The following LIPK variants were observed in gnomAD, a reference collection of about 807,000 sequenced individuals.
LIPK encodes lipase member K.
A neutral mutation model predicts 48.6 loss-of-function variants in LIPK; 32 were observed. The ratio of observed to expected loss-of-function variants is 0.66; its 90% CI spans 0.50 to 0.88. The LOEUF is 0.88. Among genes scored for constraint, LIPK ranks in the 40% least tolerant of loss-of-function variants. The pLI is 0.00. For synonymous variants in LIPK, 164 were observed against 157.4 expected, an observed-to-expected ratio of 1.04 and a Z score of -0.32; for missense variants, 507 against 478.5, an observed-to-expected ratio of 1.06 and a Z score of -0.56.
At chr10:88,743,740 G>T (rs1180996539) in intron 9 of LIPK, among the ~76,000 whole-genome samples, 3 of 152,152 alleles carry the variant, frequency 2.0e-5, no homozygotes. Context: ...GTGGAGCCTG[G>T]GCTAGAGGGA....
In LIPK at chr10:88,724,703, C is replaced by T. The variant is rs148721570; in HGVS notation, c.105+55C>T. On this transcript the variant is annotated intron_variant, in intron 2 of 9. Transcript: ENST00000404190. Reference sequence around the variant, plus strand: ...AAATAAGGAATTATTCATATTTCAGCATTTTAGATACAACTGGTGTGCCTT... The same window carrying T: ...AAATAAGGAATTATTCATATTTCAGTATTTTAGATACAACTGGTGTGCCTT... The T allele has an allele frequency of 1.1e-3, 1,390 of 1,248,084 alleles. 2 individuals carry two copies. Among genetic ancestry groups the T allele is most frequent in the Middle Eastern group, 2.3e-3 (12 of 5,290 alleles). The allele number at this position is 1,248,084 out of a possible 1,614,324, so 77.3% of individuals were successfully genotyped here.
chr10:88,706,571 AGTG>A (rs1442137505), intron 1 of LIPK, among the ~76,000 whole-genome samples: 2 of 152,158 alleles, frequency 1.3e-5, no homozygotes, highest in Non-Finnish European at 2.9e-5. Flanking sequence ...TTTGAACCTC[AGTG>A]AGAGGAGGTA....
chr10:88,717,399 T>C (rs1842139477), intron 1 of LIPK, among the ~76,000 whole-genome samples: 1 of 152,142 alleles, frequency 6.6e-6, no homozygotes, highest in Non-Finnish European at 1.5e-5. Flanking sequence ...GTATTTTCTA[T>C]TTTTTTATGA....
At chr10:88,722,748 C>G (rs1842252786) in intron 1 of LIPK, among the ~76,000 whole-genome samples, 1 of 152,140 alleles carries the variant, frequency 6.6e-6, no homozygotes, top group African/African-American at 2.4e-5. Context: ...GTCAGGCAAC[C>G]TGAGTTCAGA....
intron 1 of LIPK, among the ~76,000 whole-genome samples, chr10:88,724,231 T>C (rs376261): frequency 0.78 from 118,201 of 152,138 alleles, 46,915 homozygotes; most frequent in East Asian, 1. Flanking sequence ...ATTTCTTTTC[T>C]ACACATTATC....
chr10:88,743,081 C>T lies in LIPK; in HGVS notation c.889-169C>T, dbSNP rs73352673. ...AAGATTGTACCAATTCTGTGAATTACGATAAGATTTATCATTTTTATTACT... is the reference window on the plus strand; with the variant it reads ...AAGATTGTACCAATTCTGTGAATTATGATAAGATTTATCATTTTTATTACT... On this transcript the variant is annotated intron_variant, in intron 8 of 9. Transcript: ENST00000404190. Among the ~76,000 whole-genome samples the T allele has an allele frequency of 6.8e-3, 1,034 of 152,206 alleles. 4 individuals are homozygous for T. The highest frequency in any genetic ancestry group is 0.024 in the Middle Eastern group (7 of 294).
chr10:88,720,198 C>A (rs1842196616), intron 1 of LIPK, among the ~76,000 whole-genome samples: 1 of 152,172 alleles, frequency 6.6e-6, no homozygotes, highest in South Asian at 2.1e-4. Flanking sequence ...TGTAGAGCAT[C>A]TGCCTGAAGA....
intron 3 of LIPK, 37 bp from the exon 4 acceptor site, chr10:88,730,946 G>C (rs773976997): frequency 6.7e-7 from 1 of 1,501,284 alleles, no homozygotes; most frequent in Non-Finnish European, 8.9e-7. Flanking sequence ...CACTGAGAAA[G>C]TTCAAATATG....
At position 88,731,096 on chromosome 10, in the gene LIPK, G is replaced by A. The variant is rs746906133; in HGVS notation, c.337G>A (p.Val113Met). The change falls in exon 4 of 10, where the codon GTG (valine) becomes ATG (methionine). Residue 113 changes from valine (V) to methionine (M), a missense_variant. By Grantham distance (21) the Val-to-Met change is conservative. Transcript: ENST00000404190. The stretch of plus-strand genomic sequence containing the variant: ...CCTTCTGGCAGATAGTGGTTATGAC[G>A]TGTGGTTGGGGAACAGCCGAGGAAA... ...AFLLADSGYD[V>M]WLGNSRGNTW... 4.4e-6 allele frequency: 7 copies of A among 1,607,190 alleles called. No homozygotes were observed. In the East Asian group the frequency reaches 6.7e-5, roughly 15 times the overall value.
In LIPK at chr10:88,720,716, C is replaced by CACAG. The variant is rs1031453648; in HGVS notation, c.-11-3814_-11-3813insGACA. Among the ~76,000 whole-genome samples, 3 of 8,876 alleles carry CACAG rather than the reference C, an allele frequency of 3.4e-4. No individual in the cohort carries two copies. The African/African-American group carries it at 0.014, about 41-fold the overall frequency. The allele number at this position is 8,876 out of a possible 152,430, so 5.8% of individuals were successfully genotyped here. ...TCTGAATATCCAAGCAAGTTTTATG[C>CACAG]ACACACACACACACACAGTCTATAA... On this transcript the variant is annotated intron_variant, in intron 1 of 9. Transcript: ENST00000404190.
intron 7 of LIPK, among the ~76,000 whole-genome samples, chr10:88,738,439 A>G (rs1274517888): frequency 6.6e-6 from 1 of 151,910 alleles, no homozygotes; most frequent in African/African-American, 2.4e-5. Context: ...CCCAGAGCCT[A>G]CTCTCCCAGT....
chr10:88,736,702 A>T (rs923544689), intron 6 of LIPK, among the ~76,000 whole-genome samples: 1 of 152,204 alleles, frequency 6.6e-6, no homozygotes, highest in Admixed American at 6.5e-5. Flanking sequence ...CAATTAAAAT[A>T]CGGTGTTAAG....
intron 1 of LIPK, among the ~76,000 whole-genome samples, chr10:88,711,146 A>T (rs1174784245): frequency 2.0e-5 from 3 of 151,704 alleles, no homozygotes; most frequent in Admixed American, 6.6e-5. Flanking sequence ...TTTAAATTTA[A>T]TTTTTTTGTT....
intron 9 of LIPK, among the ~76,000 whole-genome samples, chr10:88,743,915 G>A (rs577942992): frequency 6.6e-6 from 1 of 152,322 alleles, no homozygotes; most frequent in East Asian, 1.9e-4. Context: ...GAGCTAGTAG[G>A]CAGAGCTGTT....
intron 1 of LIPK, among the ~76,000 whole-genome samples, chr10:88,716,161 T>C (rs936877844): frequency 1.3e-5 from 2 of 152,108 alleles, no homozygotes; most frequent in African/African-American, 2.4e-5. Context: ...AGTATAATGA[T>C]ATAAGATATT....
chr10:88,730,893 CTTT>C (rs746725884), intron 3 of LIPK, 87 bp from the exon 4 acceptor site: 73 of 1,226,634 alleles, frequency 6.0e-5, no homozygotes, highest in Non-Finnish European at 7.8e-5. Flanking sequence ...CTTAACCTTT[CTTT>C]TATACTACAG....
chr10:88,729,256 G>C (rs200407587), intron 3 of LIPK, among the ~76,000 whole-genome samples: 5 of 112,082 alleles, frequency 4.5e-5, no homozygotes, highest in Admixed American at 1.0e-4. Flanking sequence ...ATCTGTTGGG[G>C]GGGGGGGGCG....
chr10:88,735,699 A>G (rs917664300), intron 6 of LIPK, among the ~76,000 whole-genome samples: 2 of 152,224 alleles, frequency 1.3e-5, no homozygotes, highest in African/African-American at 4.8e-5. Flanking sequence ...ACACATACCA[A>G]AAGAGCTACT....
At chr10:88,726,215 A>C (rs1395296106) in intron 2 of LIPK, among the ~76,000 whole-genome samples, 1 of 152,198 alleles carries the variant, frequency 6.6e-6, no homozygotes, top group Non-Finnish European at 1.5e-5. Flanking sequence ...TGCTTTAATA[A>C]TACCAGGCCA....
Sources: allele counts gnomAD v4.1 joint callset (sites outside exome capture counted in the v4.1 genomes callset), GRCh38; gene constraint gnomAD v4.1.1; transcripts MANE v1.5; gene names NCBI Gene and HGNC (gene_info 2026-07-23, HGNC 2026-07-21).